Variants in POLR1A observed in about 807,000 individuals in gnomAD.
POLR1A encodes the protein DNA-directed RNA polymerase I subunit RPA1.
POLR1A carries 84 observed loss-of-function variants against 205.3 expected under a neutral mutation model. The observed-to-expected ratio is 0.41, with a 90% confidence interval of 0.34 to 0.49. The LOEUF is 0.49. POLR1A is among the 20% of genes least tolerant of loss of function. The pLI is 0.22. For missense variants in POLR1A, 1,645 were observed against 2,204.5 expected (o/e 0.75, Z 5.08); for synonymous variants, 799 against 863.7 (o/e 0.93, Z 1.31).
In POLR1A at chr2:86,081,578, ATAAGT is replaced by A. The variant is rs1404552372; in HGVS notation, c.923+18_923+22del. 7.0e-7 allele frequency: 1 copy of A among 1,437,600 alleles called. No individual in the cohort carries two copies. The highest frequency in any genetic ancestry group is 1.4e-5 in the African/African-American group (1 of 69,912). 89.1% of individuals were successfully genotyped at this position (1,437,600 alleles called of 1,614,324 possible). A position where few individuals can be genotyped will look rare whatever the true frequency, so the allele number is the denominator to read the frequency against. ...CTTAGTACGCTTTTTTTCAGGTGAAATAAGTTAATTAAAGGGTATTACCTTGAGGG... is the reference window on the plus strand; with the variant it reads ...CTTAGTACGCTTTTTTTCAGGTGAAATAATTAAAGGGTATTACCTTGAGGG... On this transcript the variant is annotated intron_variant, in intron 8 of 33. Transcript: ENST00000263857.
At chr2:86,095,980 G>A (rs771134854) in intron 3 of POLR1A, among the ~76,000 whole-genome samples, 4 of 151,798 alleles carry the variant, frequency 2.6e-5, no homozygotes, top group Non-Finnish European at 4.4e-5. Context: ...CACCTGCCTC[G>A]GCCTCCCAAA....
chr2:86,025,548 T>C lies in POLR1A; in HGVS notation c.*1875A>G, dbSNP rs1240153977. 1.3e-5 allele frequency: 2 copies of C among 152,302 alleles called. No individual in the cohort carries two copies. Among genetic ancestry groups the C allele is most frequent in the African/African-American group, 4.8e-5 (2 of 41,472 alleles). 9.4% of individuals were successfully genotyped at this position (152,302 alleles called of 1,614,324 possible). ...ATAAAACAGAGCTGCCCAGGAACCA[T>C]GTGGATGGGTGGGGCAGGAGGGCAT... is the stretch of plus-strand genomic sequence containing the variant. On this transcript the variant is annotated 3_prime_UTR_variant, in exon 34 of 34. Coordinates refer to ENST00000263857, the MANE Select transcript of POLR1A (RefSeq NM_015425.6).
rs1387123728 is a variant in POLR1A, at chr2:86,081,257, G to A, written c.924-279C>T. ...TGTAAAATACAAAAATTATTTGGGT[G>A]TGGTGGTGCGTGCCTGTAATCCCAG... On this transcript the variant is annotated intron_variant, in intron 8 of 33. Transcript: ENST00000263857. Among the ~76,000 whole-genome samples, 3 of 152,232 alleles carry A rather than the reference G, an allele frequency of 2.0e-5. No individual in the cohort carries two copies. The East Asian group carries it at 5.8e-4, about 29-fold the overall frequency.
chr2:86,040,301 A>G, intron 25 of POLR1A, 91 bp downstream of exon 25: 2 of 1,025,828 alleles, frequency 1.9e-6, no homozygotes, highest in Non-Finnish European at 2.7e-6. Flanking sequence ...TCTCTCATTC[A>G]CACACACTCA....
intron 1 of POLR1A, 45 bp downstream of exon 1, chr2:86,105,655 G>C: frequency 7.4e-7 from 1 of 1,355,472 alleles, no homozygotes; most frequent in East Asian, 2.3e-5. Context: ...TTAGGGCGCC[G>C]ACCTCAAGAT....
At chr2:86,101,342 G>A (rs1446483777) in intron 1 of POLR1A, among the ~76,000 whole-genome samples, 2 of 152,170 alleles carry the variant, frequency 1.3e-5, no homozygotes, top group Admixed American at 6.5e-5. Context: ...GTGGTGACAT[G>A]TTCTGAGTGT....
At chr2:86,053,556 A>C (rs974333176) in intron 15 of POLR1A, among the ~76,000 whole-genome samples, 18 of 152,352 alleles carry the variant, frequency 1.2e-4, no homozygotes, top group African/African-American at 4.3e-4. Flanking sequence ...AATGAACAGA[A>C]AAGCATTTCT....
Position 86,045,785 on chromosome 2 carries a change from T to A in POLR1A, c.2734-16A>T. The A allele has an allele frequency of 6.3e-7, 1 of 1,599,254 alleles. No homozygotes were observed. Among genetic ancestry groups the A allele is most frequent in the Non-Finnish European group, 8.5e-7 (1 of 1,176,124 alleles). On this transcript the variant is annotated splice_polypyrimidine_tract_variant and intron_variant, in intron 19 of 33. Coordinates refer to ENST00000263857, the MANE Select transcript of POLR1A (RefSeq NM_015425.6). ...GGCACGAGATCTGGAGGACAGGAAA[T>A]CCACAGGAAACTGAAGATCCACATG...
At chr2:86,078,015 A>G in intron 10 of POLR1A, 34 bp from the exon 11 acceptor site, 2 of 1,613,796 alleles carry the variant, frequency 1.2e-6, no homozygotes, top group Non-Finnish European at 1.7e-6. Context: ...AAAAACATTC[A>G]ACAAGAATTC....
chr2:86,084,858 G>C (rs1325125977), intron 6 of POLR1A, among the ~76,000 whole-genome samples: 3 of 151,918 alleles, frequency 2.0e-5, no homozygotes, highest in Admixed American at 2.0e-4. Context: ...ATCTGCAGAG[G>C]ATATGTCATC....
At chr2:86,033,853 G>A (rs1672446631) in intron 27 of POLR1A, 66 bp from the exon 28 acceptor site, 1 of 1,585,814 alleles carries the variant, frequency 6.3e-7, no homozygotes. Context: ...CCCTCATTTG[G>A]GGGATAGGAC....
At chr2:86,071,832 AATGT>A (rs1166567577) in intron 12 of POLR1A, among the ~76,000 whole-genome samples, 1 of 152,186 alleles carries the variant, frequency 6.6e-6, no homozygotes. Flanking sequence ...TTAAAAGACA[AATGT>A]ATGAAGGTAA....
At chr2:86,071,464 A>G (rs1454195257) in intron 12 of POLR1A, among the ~76,000 whole-genome samples, 2 of 152,152 alleles carry the variant, frequency 1.3e-5, no homozygotes, top group Admixed American at 6.5e-5. Context: ...CTACTTTCCT[A>G]CATCTTAGCA....
intron 26 of POLR1A, 111 bp from the exon 27 acceptor site, chr2:86,038,968 G>A: frequency 1.0e-6 from 1 of 971,760 alleles, no homozygotes; most frequent in South Asian, 1.5e-5. Flanking sequence ...TGAGACCACA[G>A]GCCAAACCCC....
At chr2:86,081,562 CT>C in intron 8 of POLR1A, 38 bp downstream of exon 8, 9 of 1,336,856 alleles carry the variant, frequency 6.7e-6, no homozygotes, top group Middle Eastern at 3.7e-4. Flanking sequence ...CCTTAGTACG[CT>C]TTTTTTCAGG....
intron 6 of POLR1A, among the ~76,000 whole-genome samples, chr2:86,084,371 C>T (rs942142843): frequency 5.9e-5 from 9 of 151,336 alleles, no homozygotes; most frequent in South Asian, 2.1e-4. Flanking sequence ...GAGCCGAGAT[C>T]GTATCGCTGC....
chr2:86,059,350 A>G (rs769240516), intron 14 of POLR1A, among the ~76,000 whole-genome samples: 19 of 152,174 alleles, frequency 1.2e-4, no homozygotes, highest in Admixed American at 2.6e-4. Context: ...CCTTTGGAGG[A>G]CTTGGTGGCT....
At chr2:86,034,362 G>C (rs888703255) in intron 27 of POLR1A, among the ~76,000 whole-genome samples, 1 of 152,210 alleles carries the variant, frequency 6.6e-6, no homozygotes, top group East Asian at 1.9e-4. Context: ...GCAATGTGAC[G>C]AAAGAACGAG....
At chr2:86,105,480 CT>C (rs1448796336) in intron 1 of POLR1A, among the ~76,000 whole-genome samples, 2 of 152,118 alleles carry the variant, frequency 1.3e-5, no homozygotes, top group Non-Finnish European at 2.9e-5. Flanking sequence ...TTATATTCCC[CT>C]ACCTCAGCGC....
Sources: gnomAD v4.1 joint callset for allele counts (sites outside exome capture counted in the v4.1 genomes callset) on GRCh38, gnomAD v4.1.1 for gene constraint, MANE v1.5 for transcripts, NCBI Gene and HGNC (gene_info 2026-07-23, HGNC 2026-07-21) for gene names.